The following PLA2G4A variants were observed in gnomAD, a reference collection of about 807,000 sequenced individuals.
PLA2G4A encodes the protein cytosolic phospholipase A2.
Under a neutral mutation model 81.9 loss-of-function variants are expected in PLA2G4A, and 40 were observed. The observed-to-expected ratio is 0.49, with a 90% CI of 0.38 to 0.64. The LOEUF is 0.64. PLA2G4A is among the 30% of genes least tolerant of loss of function. The pLI is 0.00. For synonymous variants in PLA2G4A, 302 were observed against 296.9 expected, an observed-to-expected ratio of 1.02 and a Z score of -0.18; for missense variants, 715 against 905.1, an observed-to-expected ratio of 0.79 and a Z score of 2.69.
At chr1:186,873,738 C>T (rs185170113) in intron 3 of PLA2G4A, among the ~76,000 whole-genome samples, 60 of 152,176 alleles carry the variant, frequency 3.9e-4, no homozygotes, top group Non-Finnish European at 5.4e-4. Context: ...ATAAAATCAG[C>T]AACAACCAAT....
At chr1:186,986,034 T>G (rs1657881652) in intron 17 of PLA2G4A, among the ~76,000 whole-genome samples, 1 of 152,200 alleles carries the variant, frequency 6.6e-6, no homozygotes, top group Non-Finnish European at 1.5e-5. Context: ...AACAGGGTAT[T>G]TTCCGCAGTA....
chr1:186,924,948 T>G (rs1388232539), intron 7 of PLA2G4A, among the ~76,000 whole-genome samples: 3 of 151,946 alleles, frequency 2.0e-5, no homozygotes, highest in South Asian at 4.2e-4. Context: ...CTTGGGAGGC[T>G]GAGGCAGGAG....
chr1:186,913,688 T>G (rs114767965), intron 7 of PLA2G4A, among the ~76,000 whole-genome samples: 6,551 of 152,320 alleles, frequency 0.043, 190 homozygotes, highest in African/African-American at 0.077. Context: ...TTGTACACTC[T>G]TGAATTATTT....
intron 2 of PLA2G4A, among the ~76,000 whole-genome samples, chr1:186,862,168 A>G (rs980771053): frequency 6.6e-6 from 1 of 150,798 alleles, no homozygotes; most frequent in African/African-American, 2.4e-5. Context: ...AGAAAATATA[A>G]GAGACTTTAT....
chr1:186,924,350 A>G (rs1216299146), intron 7 of PLA2G4A, among the ~76,000 whole-genome samples: 1 of 152,198 alleles, frequency 6.6e-6, no homozygotes, highest in Non-Finnish European at 1.5e-5. Context: ...GTGCTAATAA[A>G]TGCACAGGAT....
At chr1:186,966,180 G>A (rs1396630400) in intron 15 of PLA2G4A, among the ~76,000 whole-genome samples, 2 of 150,606 alleles carry the variant, frequency 1.3e-5, no homozygotes, top group East Asian at 4.0e-4. Context: ...GAGATGGACT[G>A]TATCTGTAAG....
rs143619650 is a variant in PLA2G4A, at chr1:186,876,768, G to A, written c.115+6252G>A. On this transcript the variant is annotated intron_variant, in intron 3 of 17. Coordinates refer to ENST00000367466, the MANE Select transcript of PLA2G4A (RefSeq NM_024420.3). The stretch of plus-strand genomic sequence containing the variant: ...TCCATGGCCATCCTGTAGTCACCAT[G>A]CAGTGTACAATGCACAAGAAGCATG... Among the ~76,000 whole-genome samples the A allele has an allele frequency of 2.0e-5, 3 of 152,200 alleles. No homozygotes were observed. In the East Asian group the frequency reaches 5.8e-4, roughly 30 times the overall value.
chr1:186,846,722 C>T (rs536164898), intron 1 of PLA2G4A, among the ~76,000 whole-genome samples: 2 of 152,220 alleles, frequency 1.3e-5, no homozygotes, highest in East Asian at 3.9e-4. Context: ...GTTGGATGTT[C>T]ATCTTCCATT....
chr1:186,904,628 T>C (rs908170534), intron 5 of PLA2G4A, among the ~76,000 whole-genome samples: 1 of 152,230 alleles, frequency 6.6e-6, no homozygotes, highest in Non-Finnish European at 1.5e-5. Flanking sequence ...CAGCACAGCC[T>C]GTAACATTCA....
chr1:186,946,030 A>T (rs1656326612), intron 10 of PLA2G4A, among the ~76,000 whole-genome samples: 1 of 152,108 alleles, frequency 6.6e-6, no homozygotes, highest in Admixed American at 6.6e-5. Flanking sequence ...CACAGCTCAT[A>T]AGCAGCAAAA....
At chr1:186,931,194 G>A (rs1655732271) in intron 7 of PLA2G4A, among the ~76,000 whole-genome samples, 1 of 151,848 alleles carries the variant, frequency 6.6e-6, no homozygotes, top group Non-Finnish European at 1.5e-5. Context: ...TGAGAGCTTG[G>A]TATTTATACA....
At chr1:186,890,665 C>A (rs951287549) in intron 3 of PLA2G4A, among the ~76,000 whole-genome samples, 37 of 151,798 alleles carry the variant, frequency 2.4e-4, no homozygotes, top group African/African-American at 8.7e-4. Context: ...ACCATCCTGG[C>A]CAACATGGTG....
At chr1:186,942,826 C>A (rs190896207) in intron 10 of PLA2G4A, among the ~76,000 whole-genome samples, 11 of 152,244 alleles carry the variant, frequency 7.2e-5, no homozygotes, top group Admixed American at 4.6e-4. Context: ...TGCAGTACTG[C>A]TACTGAGATG....
chr1:186,920,821 C>A (rs1204857294), intron 7 of PLA2G4A, among the ~76,000 whole-genome samples: 2 of 152,210 alleles, frequency 1.3e-5, no homozygotes, highest in Non-Finnish European at 2.9e-5. Flanking sequence ...TTCTCTGCGG[C>A]TTGTTGCATC....
intron 7 of PLA2G4A, among the ~76,000 whole-genome samples, chr1:186,932,142 C>A (rs1655767749): frequency 6.6e-6 from 1 of 151,940 alleles, no homozygotes; most frequent in African/African-American, 2.4e-5. Flanking sequence ...AGACAATGTC[C>A]CTGAAAGCAA....
At chr1:186,915,838 C>T (rs1319527008) in intron 7 of PLA2G4A, among the ~76,000 whole-genome samples, 1 of 152,118 alleles carries the variant, frequency 6.6e-6, no homozygotes, top group East Asian at 1.9e-4. Context: ...ACTAAGTCAT[C>T]CTACGGGGTG....
At chr1:186,917,253 T>C (rs973269235) in intron 7 of PLA2G4A, among the ~76,000 whole-genome samples, 4 of 152,144 alleles carry the variant, frequency 2.6e-5, no homozygotes, top group Non-Finnish European at 5.9e-5. Flanking sequence ...TTTACCCAAG[T>C]TGAGATTGTT....
chr1:186,867,014 C>T (rs561807664), intron 2 of PLA2G4A, among the ~76,000 whole-genome samples: 2 of 152,036 alleles, frequency 1.3e-5, no homozygotes, highest in African/African-American at 4.8e-5. Context: ...TATTTATGTG[C>T]GTCTGTTTTC....
chr1:186,959,881 A>C (rs1656887196), intron 14 of PLA2G4A, among the ~76,000 whole-genome samples: 1 of 151,400 alleles, frequency 6.6e-6, no homozygotes, highest in Non-Finnish European at 1.5e-5. Flanking sequence ...TTTCTTTTTA[A>C]ATTTTGCAAC....
Sources: gnomAD v4.1 joint callset for allele counts (sites outside exome capture counted in the v4.1 genomes callset) on GRCh38, gnomAD v4.1.1 for gene constraint, MANE v1.5 for transcripts, NCBI Gene and HGNC (gene_info 2026-07-23, HGNC 2026-07-21) for gene names.